HSP90AB1: variants seen among roughly 807,000 people sequenced by gnomAD.
HSP90AB1 encodes the protein heat shock protein 90 alpha family class B member 1.
HSP90AB1 carries 17 observed loss-of-function variants against 67.8 expected under a neutral mutation model. The observed-to-expected ratio is 0.25, with a 90% CI of 0.17 to 0.38. The LOEUF (loss-of-function observed/expected upper bound fraction) is 0.38, where lower values mean the gene tolerates loss of function less well. Ranked by LOEUF, HSP90AB1 falls within the 10% of genes least tolerant of loss-of-function variation. The probability of loss-of-function intolerance (pLI) is 1.00; values close to 1 mark genes in which losing one functional copy is unlikely to be tolerated. For synonymous variants in HSP90AB1, 390 were observed against 312.9 expected, an observed-to-expected ratio of 1.25 and a Z score of -2.60; for missense variants, 690 against 899.9, an observed-to-expected ratio of 0.77 and a Z score of 2.98.
At chr6:44,247,426 G>A (rs1780041487) in intron 1 of HSP90AB1, among the ~76,000 whole-genome samples, 1 of 152,084 alleles carries the variant, frequency 6.6e-6, no homozygotes, top group African/African-American at 2.4e-5. Flanking sequence ...GCTGGCCGTA[G>A]CGAGGTGGGC....
At chr6:44,251,672 A>G (rs1445925777) in intron 8 of HSP90AB1, 64 bp downstream of exon 8, 2 of 1,590,206 alleles carry the variant, frequency 1.3e-6, no homozygotes, top group East Asian at 2.2e-5. Context: ...AAATTATTCC[A>G]TTCACATTGA....
chr6:44,250,466 A>G lies in HSP90AB1; in HGVS notation c.824A>G (p.Lys275Arg). The G allele has an allele frequency of 1.2e-6, 2 of 1,612,540 alleles. No homozygotes were observed. ...AAGAAAACTAAGAAGATCAAAGAGA[A>G]ATACATTGATCAGGAAGAACTAAAC... is the stretch of plus-strand genomic sequence containing the variant. The part of the protein sequence containing the change: ...KKKKTKKIKE[K>R]YIDQEELNKT... The change falls in exon 6 of 12, where the codon AAA (lysine) becomes AGA (arginine). Residue 275 changes from lysine (K) to arginine (R), a missense_variant. By Grantham distance (26) the Lys-to-Arg change is conservative (BLOSUM62 2). Transcript: ENST00000371646.
chr6:44,248,583 C>T (rs762953808), intron 1 of HSP90AB1, 47 bp from the exon 2 acceptor site: 6 of 1,567,622 alleles, frequency 3.8e-6, no homozygotes, highest in African/African-American at 1.4e-5. Context: ...GATTTTTAAA[C>T]ATGGGGCCTT....
In HSP90AB1 at chr6:44,252,199, G is replaced by A; in HGVS notation, c.1663G>A (p.Glu555Lys). ...TGAGGAGGAGAAGAAGAAGATGGAA[G>A]AGAGCAAGGCAAAGTTTGAGAACCT... ...EDEEEKKKME[E>K]SKAKFENLCK... The change falls in exon 10 of 12, where the codon GAG (glutamate) becomes AAG (lysine). Residue 555 changes from glutamate (E) to lysine (K), a missense_variant. Glu to Lys is a moderately conservative substitution (Grantham distance 56). Transcript: ENST00000371646. 6.2e-7 allele frequency: 1 copy of A among 1,614,174 alleles called. No homozygotes were observed. Among genetic ancestry groups the A allele is most frequent in the Non-Finnish European group, 8.5e-7 (1 of 1,180,024 alleles).
chr6:44,251,081 G>A lies in HSP90AB1; in HGVS notation c.991G>A (p.Ala331Thr), dbSNP rs751353813. The change falls in exon 7 of 12, where the codon GCA becomes ACA. Residue 331 changes from alanine to threonine, a missense_variant. This residue lies in a region of HSP90AB1 where 101 missense variants were observed against 174.8 expected (regional missense o/e 0.58). Coordinates refer to ENST00000371646, the MANE Select transcript of HSP90AB1 (RefSeq NM_007355.4). ...TGTAGAAGGTCAGTTGGAATTCAGG[G>A]CATTGCTATTTATTCCTCGTCGGGC... ...FSVEGQLEFR[A>T]LLFIPRRAPF... 6.2e-7 allele frequency: 1 copy of A among 1,614,088 alleles called. No individual in the cohort carries two copies. The highest frequency in any genetic ancestry group is 1.1e-5 in the South Asian group (1 of 91,082).
chr6:44,252,069 A>G lies in HSP90AB1; in HGVS notation c.1533A>G (p.Val511=). ...TGCGGAAACGGGGCTTCGAGGTGGT[A>G]TATATGACCGAGCCCATTGACGAGT... is the stretch of plus-strand genomic sequence containing the variant. The part of the protein sequence containing the change: ...ERVRKRGFEV[V]YMTEPIDEYC... The change falls in exon 10 of 12, where the codon GTA becomes GTG. Residue 511 remains valine (V), a synonymous_variant. Coordinates refer to ENST00000371646, the MANE Select transcript of HSP90AB1 (RefSeq NM_007355.4). 1.2e-6 allele frequency: 2 copies of G among 1,614,202 alleles called. No homozygotes were observed. The highest frequency in any genetic ancestry group is 2.2e-5 in the East Asian group (1 of 44,886).
chr6:44,251,922 G>A, intron 9 of HSP90AB1, 38 bp downstream of exon 9: 2 of 1,613,326 alleles, frequency 1.2e-6, no homozygotes, highest in African/African-American at 1.3e-5. Flanking sequence ...TGGAGGAGTG[G>A]GGAGCACAAT....
At chr6:44,248,583 C>G (rs762953808) in intron 1 of HSP90AB1, 47 bp from the exon 2 acceptor site, 1 of 1,567,610 alleles carries the variant, frequency 6.4e-7, no homozygotes, top group African/African-American at 1.4e-5. Flanking sequence ...GATTTTTAAA[C>G]ATGGGGCCTT....
rs35074133 is a variant in HSP90AB1 at position 44,247,132 on chromosome 6, T to G, written c.-64T>G. 26 of 152,198 alleles carry G rather than the reference T, an allele frequency of 1.7e-4. No individual in the cohort carries two copies. Among genetic ancestry groups the G allele is most frequent in the African/African-American group, 6.3e-4 (26 of 41,554 alleles). 9.4% of individuals were successfully genotyped at this position (152,198 alleles called of 1,614,324 possible). ...AGTCACTCCGGCGCAGTGTTGGGAC[T>G]GTCTGGGTATCGGAAAGCAAGCCTA... On this transcript the variant is annotated 5_prime_UTR_variant, in exon 1 of 12. Transcript: ENST00000371646.
chr6:44,248,510 G>A (rs1345092418), intron 1 of HSP90AB1, 120 bp from the exon 2 acceptor site: 4 of 819,560 alleles, frequency 4.9e-6, no homozygotes, highest in African/African-American at 3.4e-5. Flanking sequence ...GGAAGGGATA[G>A]TACTCCGGTT....
rs1780281807 is a variant in HSP90AB1, at chr6:44,248,779, A to C, written c.147+3A>C. On this transcript the variant is annotated splice_donor_region_variant and intron_variant, in intron 2 of 11. Transcript: ENST00000371646. Reference sequence around the variant, plus strand: ...AGTTGATCTCTAATGCTTCTGATGTAGGTGCTCTGGTTTCCACATTTGGCA... The same window carrying C: ...AGTTGATCTCTAATGCTTCTGATGTCGGTGCTCTGGTTTCCACATTTGGCA... 1 of 1,603,710 alleles carries C rather than the reference A, an allele frequency of 6.2e-7. No homozygotes were observed. The highest frequency in any genetic ancestry group is 1.4e-5 in the African/African-American group (1 of 73,282).
chr6:44,251,587 G>A lies in HSP90AB1; in HGVS notation c.1293G>A (p.Glu431=). ...AGGAGAATTACAAGAAATTCTATGA[G>A]GCATTCTCTAAAAATCTCAAGGTAA... ...EDKENYKKFY[E]AFSKNLKLGI... Residue 431 remains glutamate (E), a synonymous_variant, in exon 8 of 12, where the codon GAG becomes GAA. Coordinates refer to ENST00000371646, the MANE Select transcript of HSP90AB1 (RefSeq NM_007355.4). 4 of 1,604,490 alleles carry A rather than the reference G, an allele frequency of 2.5e-6. No individual in the cohort carries two copies. In the East Asian group the frequency reaches 6.7e-5, roughly 27 times the overall value.
At position 44,251,862 on chromosome 6, in the gene HSP90AB1, G is replaced by A; in HGVS notation, c.1440G>A (p.Gln480=). The change falls in exon 9 of 12, where the codon CAG becomes CAA. Residue 480 remains glutamine, a synonymous_variant. Coordinates refer to ENST00000371646, the MANE Select transcript of HSP90AB1 (RefSeq NM_007355.4). The stretch of plus-strand genomic sequence containing the variant: ...ATGTTTCTCGCATGAAGGAGACACA[G>A]AAGTCCATCTATTACATCACTGGTG... The part of the protein sequence containing the change: ...SEYVSRMKET[Q]KSIYYITGES... 2 of 1,613,094 alleles carry A rather than the reference G, an allele frequency of 1.2e-6. No homozygotes were observed. The highest frequency in any genetic ancestry group is 1.7e-6 in the Non-Finnish European group (2 of 1,180,040).
At chr6:44,249,097 C>T (rs185732706) in intron 2 of HSP90AB1, among the ~76,000 whole-genome samples, 1 of 152,262 alleles carries the variant, frequency 6.6e-6, no homozygotes, top group African/African-American at 2.4e-5. Flanking sequence ...TGGCTCACAC[C>T]TGTAATGCCA....
intron 1 of HSP90AB1, chr6:44,248,224 C>T: frequency 6.0e-6 from 1 of 165,628 alleles, no homozygotes; most frequent in Non-Finnish European, 1.3e-5. Context: ...TCACTTTGAT[C>T]TCCCCCAAAT....
chr6:44,247,388 T>TG (rs1206333134), intron 1 of HSP90AB1, among the ~76,000 whole-genome samples, 193 bp downstream of exon 1: 3 of 151,010 alleles, frequency 2.0e-5, no homozygotes, highest in African/African-American at 7.3e-5. Context: ...CTAGTGTGTT[T>TG]GGGGGGTGGG....
chr6:44,246,909 G>A (rs1278705928), upstream of HSP90AB1, among the ~76,000 whole-genome samples: 4 of 152,224 alleles, frequency 2.6e-5, no homozygotes, highest in South Asian at 6.2e-4. Context: ...GTGATCACAA[G>A]CAAATGTGTG....
intron 6 of HSP90AB1, 40 bp downstream of exon 6, chr6:44,250,639 T>C (rs556627077): frequency 6.4e-6 from 7 of 1,099,068 alleles, no homozygotes; most frequent in Admixed American, 3.8e-5. Context: ...CATGCACATA[T>C]GGAGAGGAAT....
At chr6:44,252,506 C>CT (rs1193303582) in intron 10 of HSP90AB1, among the ~76,000 whole-genome samples, 1 of 147,644 alleles carries the variant, frequency 6.8e-6, no homozygotes, top group Non-Finnish European at 1.5e-5. Context: ...TTTTTTTTTT[C>CT]TTTTTTTGAG....
Sources: gnomAD v4.1 joint callset for allele counts (sites outside exome capture counted in the v4.1 genomes callset) on GRCh38, gnomAD v4.1.1 for gene constraint, gnomAD v4.1.1 regional missense constraint, MANE v1.5 for transcripts, NCBI Gene and HGNC (gene_info 2026-07-23, HGNC 2026-07-21) for gene names.